Variants in MOB1B observed in about 807,000 individuals in gnomAD.
MOB1B encodes MOB1 Mps One Binder homolog B.
In MOB1B, 19 loss-of-function variants were observed where a neutral mutation model predicts 24.4. The ratio of observed to expected loss-of-function variants is 0.78; its 90% CI spans 0.54 to 1.14. The LOEUF (loss-of-function observed/expected upper bound fraction) is 1.14, where lower values mean the gene tolerates loss of function less well. MOB1B is among the 50% of genes most tolerant of loss of function. The pLI is 0.00. For synonymous variants in MOB1B, 76 were observed against 82.1 expected (o/e 0.93, Z 0.40); for missense variants, 243 against 259.6 (o/e 0.94, Z 0.44).
At chr4:70,967,985 A>C (rs1032515987) in intron 2 of MOB1B, among the ~76,000 whole-genome samples, 1 of 152,090 alleles carries the variant, frequency 6.6e-6, no homozygotes, top group African/African-American at 2.4e-5. Context: ...GATTACAGGC[A>C]TGACCACCAT....
At chr4:70,971,478 C>T in intron 3 of MOB1B, among the ~76,000 whole-genome samples, 1 of 145,858 alleles carries the variant, frequency 6.9e-6, no homozygotes, top group Middle Eastern at 3.3e-3. Flanking sequence ...GTACTCCAGC[C>T]TGAATGATAG....
chr4:70,978,583 A>G (rs1319537665), intron 4 of MOB1B, among the ~76,000 whole-genome samples: 3 of 152,072 alleles, frequency 2.0e-5, no homozygotes, highest in Admixed American at 6.5e-5. Flanking sequence ...GGGATTTTCT[A>G]TTTTTCTGCT....
At chr4:70,949,997 A>G (rs775830376) in intron 1 of MOB1B, among the ~76,000 whole-genome samples, 2 of 152,198 alleles carry the variant, frequency 1.3e-5, no homozygotes, top group Non-Finnish European at 2.9e-5. Context: ...AAAGGTGCCT[A>G]TTAATAACTC....
intron 2 of MOB1B, among the ~76,000 whole-genome samples, chr4:70,963,624 A>G (rs2148896307): frequency 6.6e-6 from 1 of 152,076 alleles, no homozygotes; most frequent in East Asian, 1.9e-4. Context: ...GTTTGAGACC[A>G]TCGTGGACAA....
intron 3 of MOB1B, among the ~76,000 whole-genome samples, chr4:70,972,341 A>G (rs990455782): frequency 6.6e-6 from 1 of 151,910 alleles, no homozygotes; most frequent in Non-Finnish European, 1.5e-5. Flanking sequence ...CAACCTCTTG[A>G]GTAGCTGGGA....
At chr4:70,902,674 G>T in intron 1 of MOB1B, 124 bp downstream of exon 1, 2 of 934,920 alleles carry the variant, frequency 2.1e-6, no homozygotes, top group Non-Finnish European at 2.9e-6. Context: ...GGGGCCCGGC[G>T]TCACCACCAA....
At chr4:70,921,097 G>A (rs1736419178) in intron 1 of MOB1B, among the ~76,000 whole-genome samples, 1 of 152,114 alleles carries the variant, frequency 6.6e-6, no homozygotes. Context: ...AACAGCAAAT[G>A]AATGAAAACT....
chr4:70,944,469 T>C (rs1161844865), intron 1 of MOB1B, among the ~76,000 whole-genome samples: 1 of 152,250 alleles, frequency 6.6e-6, no homozygotes, highest in African/African-American at 2.4e-5. Context: ...AAGTTTGAGA[T>C]TGACAACTCG....
At chr4:70,918,260 G>A (rs928151780) in intron 1 of MOB1B, among the ~76,000 whole-genome samples, 2 of 151,848 alleles carry the variant, frequency 1.3e-5, no homozygotes, top group Non-Finnish European at 2.9e-5. Flanking sequence ...CTGAGGAATC[G>A]CCACACTGAC....
intron 1 of MOB1B, among the ~76,000 whole-genome samples, chr4:70,916,212 C>A (rs1736186929): frequency 6.6e-6 from 1 of 152,100 alleles, no homozygotes; most frequent in African/African-American, 2.4e-5. Context: ...AGAGTGTGAC[C>A]AAAATTTAGG....
chr4:70,924,207 A>G (rs1391727488), intron 1 of MOB1B, among the ~76,000 whole-genome samples: 1 of 151,894 alleles, frequency 6.6e-6, no homozygotes, highest in Non-Finnish European at 1.5e-5. Flanking sequence ...TTGTTTAAAA[A>G]CTCCCTGTGG....
intron 4 of MOB1B, chr4:70,975,692 T>G: frequency 1.0e-6 from 1 of 969,974 alleles, no homozygotes; most frequent in Non-Finnish European, 1.2e-6. Context: ...ATAAACTTAC[T>G]TCCCTGAAGT....
chr4:70,940,521 C>T (rs1189803146), intron 1 of MOB1B, among the ~76,000 whole-genome samples: 1 of 152,068 alleles, frequency 6.6e-6, no homozygotes, highest in Non-Finnish European at 1.5e-5. Context: ...GTGACTTGCC[C>T]GTATTAGGTA....
intron 5 of MOB1B, among the ~76,000 whole-genome samples, chr4:70,981,047 C>T (rs1353828179): frequency 2.6e-5 from 4 of 152,014 alleles, no homozygotes; most frequent in African/African-American, 7.3e-5. Context: ...TTCTCCTGGT[C>T]GCTGTGAAAG....
intron 1 of MOB1B, among the ~76,000 whole-genome samples, chr4:70,904,012 C>G (rs547272840): frequency 9.0e-6 from 1 of 111,726 alleles, no homozygotes. Flanking sequence ...ACGGAGTCTC[C>G]GCTCTGTCAC....
intron 4 of MOB1B, among the ~76,000 whole-genome samples, chr4:70,978,512 A>G (rs990489442): frequency 6.6e-6 from 1 of 152,164 alleles, no homozygotes; most frequent in South Asian, 2.1e-4. Flanking sequence ...GCTGTTTTCC[A>G]TAGTGGCCAT....
intron 1 of MOB1B, among the ~76,000 whole-genome samples, chr4:70,919,568 G>A (rs1240876519): frequency 4.6e-5 from 7 of 151,940 alleles, no homozygotes; most frequent in Non-Finnish European, 1.5e-5. Flanking sequence ...GCGCTATCTC[G>A]GCTCACTGCA....
intron 1 of MOB1B, among the ~76,000 whole-genome samples, chr4:70,923,158 G>C (rs13327922): frequency 1.3e-5 from 2 of 152,084 alleles, no homozygotes; most frequent in South Asian, 4.1e-4. Context: ...CCATTAAACA[G>C]TAAGCTCCAG....
intron 2 of MOB1B, among the ~76,000 whole-genome samples, chr4:70,966,707 A>G (rs1738545545): frequency 6.6e-6 from 1 of 152,108 alleles, no homozygotes; most frequent in South Asian, 2.1e-4. Context: ...TTAAAAAGTT[A>G]ACCAGGTGTG....
Sources: allele counts gnomAD v4.1 joint callset (sites outside exome capture counted in the v4.1 genomes callset), GRCh38; gene constraint gnomAD v4.1.1; transcripts MANE v1.5; gene names NCBI Gene and HGNC (gene_info 2026-07-23, HGNC 2026-07-21).